The following TRPV5 variants were observed in gnomAD, a reference collection of about 807,000 sequenced individuals.
The protein encoded by TRPV5 is transient receptor potential cation channel subfamily V member 5, also known as calcium transport protein 2.
Under a neutral mutation model 74.1 loss-of-function variants are expected in TRPV5, and 66 were observed. That is an observed-to-expected ratio of 0.89 (90% CI 0.73 to 1.09). The LOEUF is 1.09. TRPV5 is among the 50% of genes least tolerant of loss of function. TRPV5 has a pLI of 0.00. For synonymous variants in TRPV5, 399 were observed against 360.7 expected, an observed-to-expected ratio of 1.11 and a Z score of -1.20; for missense variants, 936 against 930.4, an observed-to-expected ratio of 1.01 and a Z score of -0.08.
At chr7:142,909,728 C>A in intron 13 of TRPV5, 132 bp from the exon 14 acceptor site, 1 of 884,354 alleles carries the variant, frequency 1.1e-6, no homozygotes, top group Non-Finnish European at 1.7e-6. Context: ...GTGAGAACAG[C>A]CACCTATTCA....
At chr7:142,912,837 G>GATCTATCTATCTATCTATCTATCT in intron 12 of TRPV5, 87 bp from the exon 13 acceptor site, 1 of 734,312 alleles carries the variant, frequency 1.4e-6, no homozygotes, top group Non-Finnish European at 2.2e-6. Flanking sequence ...TTCTATCTCT[G>GATCTATCTATCTATCTATCTATCT]ATCTATCTAT....
intron 8 of TRPV5, among the ~76,000 whole-genome samples, chr7:142,923,062 A>G (rs1443080893): frequency 6.6e-6 from 1 of 152,220 alleles, no homozygotes; most frequent in Non-Finnish European, 1.5e-5. Context: ...ATATTAAACT[A>G]GAAAGGATCT....
intron 8 of TRPV5, among the ~76,000 whole-genome samples, chr7:142,915,839 T>C (rs775241910): frequency 6.6e-6 from 1 of 152,178 alleles, no homozygotes; most frequent in Non-Finnish European, 1.5e-5. Context: ...TAAGCAGAAA[T>C]TTATGATGTA....
At chr7:142,931,350 G>C (rs1426238437) in intron 1 of TRPV5, among the ~76,000 whole-genome samples, 1 of 152,074 alleles carries the variant, frequency 6.6e-6, no homozygotes, top group Non-Finnish European at 1.5e-5. Flanking sequence ...TGCAGGGGGT[G>C]GAGAGTTGTG....
chr7:142,914,846 G>GCCTGAGGCGGAGGAA, intron 11 of TRPV5, 35 bp downstream of exon 11: 1 of 1,612,582 alleles, frequency 6.2e-7, no homozygotes, highest in East Asian at 2.2e-5. Context: ...AAGGTCTTGT[G>GCCTGAGGCGGAGGAA]CCTGAGGCGG....
rs971596371 is a variant in TRPV5, at chr7:142,908,448, G to T, written c.*66C>A. ...GAAGTTAGACACTTGCATAGGCAGA[G>T]GTCTCCGTCTCTGTCCCCGCCCCCA... On this transcript the variant is annotated 3_prime_UTR_variant, in exon 15 of 15. Transcript: ENST00000265310. The T allele has an allele frequency of 9.0e-6, 14 of 1,557,882 alleles. 1 individual carries two copies. The African/African-American group carries it at 1.4e-4, about 15-fold the overall frequency.
At chr7:142,916,521 T>C (rs1247921152) in intron 8 of TRPV5, among the ~76,000 whole-genome samples, 1 of 152,222 alleles carries the variant, frequency 6.6e-6, no homozygotes, top group African/African-American at 2.4e-5. Context: ...CACATGATAT[T>C]GCACAAATAA....
rs1186203410 is a variant in TRPV5, at chr7:142,914,646, C to A, written c.1513G>T (p.Ala505Ser). 3 of 1,613,250 alleles carry A rather than the reference C, an allele frequency of 1.9e-6. No homozygotes were observed. The South Asian group carries it at 3.3e-5, about 18-fold the overall frequency. ...GGAGTGTATGGTGCCTTACCGGAGGCAAATCCCAAGATGACCACAGCCATC... is the reference window on the plus strand; with the variant it reads ...GGAGTGTATGGTGCCTTACCGGAGGAAAATCCCAAGATGACCACAGCCATC... ...WLMAVVILGF[A>S]SAFYIIFQTE... Residue 505 changes from alanine (A) to serine (S), a missense_variant, in exon 12 of 15, where the codon GCC becomes TCC. Physicochemically the swap from Ala to Ser is moderately conservative, Grantham distance 99 (BLOSUM62 1). Coordinates refer to ENST00000265310, the MANE Select transcript of TRPV5 (RefSeq NM_019841.7).
intron 8 of TRPV5, among the ~76,000 whole-genome samples, chr7:142,917,048 T>A (rs1322126072): frequency 6.6e-6 from 1 of 152,016 alleles, no homozygotes. Flanking sequence ...TTTTGTTTTG[T>A]TCTATTTTTT....
chr7:142,932,197 C>T (rs998555750), intron 1 of TRPV5, among the ~76,000 whole-genome samples: 5 of 152,110 alleles, frequency 3.3e-5, no homozygotes, highest in Non-Finnish European at 5.9e-5. Context: ...AATTCACCCC[C>T]ATCCTGAGGC....
chr7:142,912,715 T>A lies in TRPV5; in HGVS notation c.1555A>T (p.Ser519Cys). The A allele has an allele frequency of 6.2e-7, 1 of 1,614,190 alleles. No individual in the cohort carries two copies. Among genetic ancestry groups the A allele is most frequent in the Non-Finnish European group, 8.5e-7 (1 of 1,180,018 alleles). The change falls in exon 13 of 15, where the codon AGT becomes TGT. Residue 519 changes from serine (S) to cysteine (C), a missense_variant. Ser to Cys is a moderately radical substitution (Grantham distance 112). Coordinates refer to ENST00000265310, the MANE Select transcript of TRPV5 (RefSeq NM_019841.7). ...GGGTAGTCATAGAATTGCCCCAGAC[T>A]GGTTGGGTCCTCTGTCTGGAAAATG... ...YIIFQTEDPT[S>C]LGQFYDYPMA...
At position 142,924,323 on chromosome 7, in the gene TRPV5, CATGTATAT is replaced by C. The variant is rs1795940826; in HGVS notation, c.1122+1198_1122+1205del. ...ATACATATATATATACACACATATA[CATGTATAT>C]ATATACATATATATATATATAGACA... On this transcript the variant is annotated intron_variant, in intron 8 of 14. Transcript: ENST00000265310. Among the ~76,000 whole-genome samples the C allele has an allele frequency of 3.3e-4, 6 of 18,300 alleles. 2 individuals carry two copies. The highest frequency in any genetic ancestry group is 4.8e-4 in the Non-Finnish European group (3 of 6,260). The allele number at this position is 18,300 out of a possible 152,430, so 12.0% of individuals were successfully genotyped here.
In TRPV5 at chr7:142,908,693, C is replaced by T. The variant is rs201599080; in HGVS notation, c.2011G>A (p.Ala671Thr). 207 of 1,614,106 alleles carry T rather than the reference C, an allele frequency of 1.3e-4. No homozygotes were observed. The highest frequency in any genetic ancestry group is 1.7e-4 in the Non-Finnish European group (195 of 1,180,042). Residue 671 changes from alanine (A) to threonine (T), a missense_variant, in exon 15 of 15, where the codon GCT becomes ACT. Coordinates refer to ENST00000265310, the MANE Select transcript of TRPV5 (RefSeq NM_019841.7). Reference protein sequence around the residue: ...EHPSEKQPSGAESGTLARASL... With the variant: ...EHPSEKQPSGTESGTLARASL... ...GCTCTGGCTAGAGTCCCACTCTCAG[C>T]CCCAGAGGGCTGTTTCTCAGATGGA...
chr7:142,930,380 T>A lies in TRPV5; in HGVS notation c.195A>T (p.Leu65=), dbSNP rs771379418. Residue 65 remains leucine, a synonymous_variant, in exon 2 of 15, where the codon CTA becomes CTT. Transcript: ENST00000265310. Reference sequence around the variant, plus strand: ...GTCGAACGTCACAGGTGCAGTCCAGTAGAAGTTGCCTAAGAACAGACAGGT... The same window carrying A: ...GTCGAACGTCACAGGTGCAGTCCAGAAGAAGTTGCCTAAGAACAGACAGGT... ...ENDLSVLRQL[L]LDCTCDVRQR... The A allele has an allele frequency of 6.2e-7, 1 of 1,614,152 alleles. No homozygotes were observed. The highest frequency in any genetic ancestry group is 8.5e-7 in the Non-Finnish European group (1 of 1,180,024).
At chr7:142,910,797 T>G (rs1795691182) in intron 13 of TRPV5, among the ~76,000 whole-genome samples, 1 of 152,188 alleles carries the variant, frequency 6.6e-6, no homozygotes, top group Non-Finnish European at 1.5e-5. Context: ...CCGTCCTTCC[T>G]CGGGTAACAG....
rs752148491 is a variant in TRPV5 at position 142,914,673 on chromosome 7, G to A, written c.1486C>T (p.Leu496=). 3 of 1,613,892 alleles carry A rather than the reference G, an allele frequency of 1.9e-6. No individual in the cohort carries two copies. The Admixed American group carries it at 5.0e-5, about 27-fold the overall frequency. ...IFGDLMRFCW[L]MAVVILGFAS... is the part of the protein sequence containing the mutation. Reference sequence around the variant, plus strand: ...AATCCCAAGATGACCACAGCCATCAGCCAGCAGAAACGCATTAGGTCTCCA... The same window carrying A: ...AATCCCAAGATGACCACAGCCATCAACCAGCAGAAACGCATTAGGTCTCCA... Residue 496 remains leucine, a synonymous_variant, in exon 12 of 15, where the codon CTG becomes TTG. Coordinates refer to ENST00000265310, the MANE Select transcript of TRPV5 (RefSeq NM_019841.7).
intron 8 of TRPV5, among the ~76,000 whole-genome samples, chr7:142,924,315 C>T (rs1197593087): frequency 0.57 from 8,801 of 15,564 alleles, 3,308 homozygotes; most frequent in East Asian, 0.73. Flanking sequence ...TATATATACA[C>T]ACATATACAT....
In TRPV5 at chr7:142,929,499, C is replaced by A; in HGVS notation, c.416G>T (p.Arg139Leu). 1.2e-6 allele frequency: 2 copies of A among 1,614,132 alleles called. No homozygotes were observed. The highest frequency in any genetic ancestry group is 2.2e-5 in the East Asian group (1 of 44,852). Reference protein sequence around the residue: ...NVNLVRALLTRRASVSARATG... With the variant: ...NVNLVRALLTLRASVSARATG... Reference sequence around the variant, plus strand: ...GGCTCTGGCAGAGACACTGGCCCTGCGGGTGAGCAGGGCACGCACCAGGTT... The same window carrying A: ...GGCTCTGGCAGAGACACTGGCCCTGAGGGTGAGCAGGGCACGCACCAGGTT... Residue 139 changes from arginine (R) to leucine (L), a missense_variant, in exon 4 of 15, where the codon CGC becomes CTC. Physicochemically the swap from Arg to Leu is moderately radical, Grantham distance 102. Coordinates refer to ENST00000265310, the MANE Select transcript of TRPV5 (RefSeq NM_019841.7).
At chr7:142,926,521 T>G (rs753591350) in intron 7 of TRPV5, among the ~76,000 whole-genome samples, 2 of 152,174 alleles carry the variant, frequency 1.3e-5, no homozygotes, top group Non-Finnish European at 2.9e-5. Context: ...GTGGGCAGTT[T>G]CCAGACATGC....
Sources: allele counts gnomAD v4.1 joint callset (sites outside exome capture counted in the v4.1 genomes callset), GRCh38; gene constraint gnomAD v4.1.1; transcripts MANE v1.5; gene names NCBI Gene and HGNC (gene_info 2026-07-23, HGNC 2026-07-21).